The following MAP3K13 variants were observed in gnomAD, a reference collection of about 807,000 sequenced individuals.
The protein encoded by MAP3K13 is mitogen-activated protein kinase kinase kinase 13.
MAP3K13 carries 52 observed loss-of-function variants against 104.0 expected under a neutral mutation model. The observed-to-expected ratio is 0.50, with a 90% CI of 0.40 to 0.63. The LOEUF is 0.63. Ranked by LOEUF, MAP3K13 falls within the 20% of genes least tolerant of loss-of-function variation. The pLI, the probability that MAP3K13 is intolerant of heterozygous loss-of-function variation, is 0.00. For missense variants in MAP3K13, 914 were observed against 1,218.5 expected (o/e 0.75, Z 3.72); for synonymous variants, 394 against 442.2 (o/e 0.89, Z 1.37).
chr3:185,453,880 G>T (rs1486614275), intron 7 of MAP3K13, among the ~76,000 whole-genome samples: 1 of 79,652 alleles, frequency 1.3e-5, no homozygotes, highest in Non-Finnish European at 2.5e-5. Context: ...ACATATATAT[G>T]AGATATATAT....
At chr3:185,336,612 C>T (rs1170464493) in intron 2 of MAP3K13, among the ~76,000 whole-genome samples, 1 of 147,080 alleles carries the variant, frequency 6.8e-6, no homozygotes, top group African/African-American at 2.5e-5. Context: ...AATTGAACTA[C>T]TGTTATAGAT....
intron 1 of MAP3K13, among the ~76,000 whole-genome samples, chr3:185,373,539 G>A (rs1724261717): frequency 6.6e-6 from 1 of 152,140 alleles, no homozygotes; most frequent in Non-Finnish European, 1.5e-5. Flanking sequence ...CTACTCAAGA[G>A]GCCGAGGCAC....
chr3:185,397,348 T>C (rs541266975), intron 1 of MAP3K13, among the ~76,000 whole-genome samples: 4 of 152,350 alleles, frequency 2.6e-5, no homozygotes, highest in Admixed American at 1.3e-4. Context: ...AATTGAGGCC[T>C]GGAGAGGTTA....
chr3:185,372,146 C>A (rs889980480), intron 1 of MAP3K13, among the ~76,000 whole-genome samples: 2 of 152,204 alleles, frequency 1.3e-5, no homozygotes, highest in African/African-American at 2.4e-5. Context: ...ATGCAACATA[C>A]CTTTGGATAT....
At chr3:185,445,072 A>G (rs977160194) in intron 4 of MAP3K13, among the ~76,000 whole-genome samples, 1 of 51,328 alleles carries the variant, frequency 1.9e-5, no homozygotes, top group African/African-American at 3.9e-5. Flanking sequence ...ATGGTTTATA[A>G]TATCTTAGGG....
chr3:185,347,347 G>A (rs1415170925), intron 2 of MAP3K13, among the ~76,000 whole-genome samples: 1 of 152,124 alleles, frequency 6.6e-6, no homozygotes, highest in Non-Finnish European at 1.5e-5. Context: ...ATATATCAAG[G>A]TGTAGCTTTA....
At chr3:185,397,942 G>C (rs1282595672) in intron 1 of MAP3K13, among the ~76,000 whole-genome samples, 1 of 152,068 alleles carries the variant, frequency 6.6e-6, no homozygotes, top group Non-Finnish European at 1.5e-5. Context: ...CTCCTGGAAG[G>C]GCTGCACATA....
intron 2 of MAP3K13, among the ~76,000 whole-genome samples, chr3:185,334,459 C>A (rs1302331763): frequency 6.6e-6 from 1 of 152,030 alleles, no homozygotes; most frequent in East Asian, 1.9e-4. Context: ...GCCTTGAGGA[C>A]AGGCAGATTT....
At chr3:185,470,886 G>T (rs1717735230) in intron 10 of MAP3K13, among the ~76,000 whole-genome samples, 1 of 152,192 alleles carries the variant, frequency 6.6e-6, no homozygotes, top group African/African-American at 2.4e-5. Context: ...TGTAAGTGAT[G>T]ATATCAGCCA....
Position 185,477,387 on chromosome 3 carries a change from G to C in MAP3K13, c.2492G>C (p.Arg831Pro). 1.9e-6 allele frequency: 3 copies of C among 1,612,028 alleles called. No individual in the cohort carries two copies. The highest frequency in any genetic ancestry group is 1.3e-5 in the African/African-American group (1 of 74,978). ...GEVDSEVEFP[R>P]RQRPHRCISS... is the part of the protein sequence containing the mutation. ...GTAGATAGTGAAGTTGAATTTCCAC[G>C]AAGACAGAGGTAAAACCAACAAATG... is the stretch of plus-strand genomic sequence containing the variant. Residue 831 changes from arginine to proline, a missense_variant, in exon 12 of 14, where the codon CGA becomes CCA. This residue lies in a region of MAP3K13 where 583 missense variants were observed against 737.4 expected (regional missense o/e 0.79). Transcript: ENST00000265026.
intron 1 of MAP3K13, among the ~76,000 whole-genome samples, chr3:185,369,575 A>G (rs554066015): frequency 6.6e-6 from 1 of 152,332 alleles, no homozygotes; most frequent in South Asian, 2.1e-4. Flanking sequence ...CCATAGTATC[A>G]CCACTGAGAA....
chr3:185,451,844 G>A (rs1339327293), intron 7 of MAP3K13, among the ~76,000 whole-genome samples: 5 of 143,160 alleles, frequency 3.5e-5, no homozygotes, highest in African/African-American at 1.3e-4. Flanking sequence ...TCCAGCCTGG[G>A]CAACAAGAGC....
intron 2 of MAP3K13, among the ~76,000 whole-genome samples, chr3:185,301,882 T>C (rs1024687812): frequency 3.3e-5 from 5 of 152,226 alleles, no homozygotes; most frequent in Non-Finnish European, 7.3e-5. Flanking sequence ...TTGTAATATA[T>C]GTTGAAGTCA....
chr3:185,283,001 G>T (rs374498027), exon 1 of MAP3K13: 2 of 152,394 alleles, frequency 1.3e-5, no homozygotes, highest in East Asian at 1.9e-4. Context: ...CGTCTGGGAT[G>T]CGCTGGGAGC....
rs909809112 is a variant in MAP3K13, at chr3:185,385,364, G to T, written c.-86+21996G>T. Among the ~76,000 whole-genome samples the T allele has an allele frequency of 2.2e-4, 33 of 152,046 alleles. 2 individuals are homozygous for T. The highest frequency in any genetic ancestry group is 7.7e-4 in the African/African-American group (32 of 41,478). On this transcript the variant is annotated intron_variant, in intron 1 of 13. Transcript: ENST00000265026. ...TGTTGTTGTTGTTTAGTAGAGATGG[G>T]GTTTTGCCATGTTGGCCAGGCTGGT...
chr3:185,359,792 G>T (rs1163132864), upstream of MAP3K13, among the ~76,000 whole-genome samples: 1 of 152,090 alleles, frequency 6.6e-6, no homozygotes, highest in African/African-American at 2.4e-5. Context: ...AAGGAAATTT[G>T]AGTCTCCACG....
At position 185,334,947 on chromosome 3, in the gene MAP3K13, C is replaced by T. The variant is rs190990776; in HGVS notation, c.-86+49304C>T. ...TCTTATAGGGGGAAAAAATTTCATG[C>T]CTCTCTCACTCTACACAAAACTGCA... On this transcript the variant is annotated intron_variant, in intron 2 of 14. Coordinates refer to the MAP3K13 transcript ENST00000424227. 3.7e-3 allele frequency among the ~76,000 whole-genome samples: 560 copies of T among 151,838 alleles called. 5 individuals are homozygous for T. The highest frequency in any genetic ancestry group is 0.013 in the African/African-American group (542 of 41,372).
intron 7 of MAP3K13, among the ~76,000 whole-genome samples, chr3:185,458,367 CAAAAA>C (rs60147107): frequency 2.7e-5 from 3 of 112,192 alleles, no homozygotes; most frequent in Non-Finnish European, 3.8e-5. Context: ...GACCCCATCT[CAAAAA>C]AAAAAAAAAA....
rs183748645 is a variant in MAP3K13 at position 185,437,176 on chromosome 3, C to T, written c.476-271C>T. 1.2e-3 allele frequency among the ~76,000 whole-genome samples: 181 copies of T among 152,086 alleles called. 2 individuals carry two copies. Among genetic ancestry groups the T allele is most frequent in the African/African-American group, 4.2e-3 (176 of 41,492 alleles). The stretch of plus-strand genomic sequence containing the variant: ...GCAAGCTTAAGGTGAGGAGGTAGGA[C>T]TGCAGGAGTGGTAGGATATGTTTTA... On this transcript the variant is annotated intron_variant, in intron 2 of 13. Transcript: ENST00000265026.
Sources: gnomAD v4.1 joint callset for allele counts (sites outside exome capture counted in the v4.1 genomes callset) on GRCh38, gnomAD v4.1.1 for gene constraint, gnomAD v4.1.1 regional missense constraint, MANE v1.5 for transcripts, NCBI Gene and HGNC (gene_info 2026-07-23, HGNC 2026-07-21) for gene names.